Variants in NRG1 observed in about 807,000 individuals in gnomAD.
NRG1 encodes the protein pro-neuregulin-1, membrane-bound isoform.
Under a neutral mutation model 63.8 loss-of-function variants are expected in NRG1, and 18 were observed. The ratio of observed to expected loss-of-function variants is 0.28; its 90% CI spans 0.19 to 0.42. NRG1 has a LOEUF of 0.42. Ranked by LOEUF, NRG1 falls within the 10% of genes least tolerant of loss-of-function variation. The pLI is 1.00. For missense variants in NRG1, 762 were observed against 814.7 expected (o/e 0.94, Z 0.79); for synonymous variants, 302 against 301.3 (o/e 1.00, Z -0.02).
rs1368833255 is a variant in NRG1, at chr8:31,706,288, C to T, written c.37+66857C>T. 3.9e-5 allele frequency among the ~76,000 whole-genome samples: 6 copies of T among 152,146 alleles called. No homozygotes were observed. The East Asian group carries it at 1.2e-3, about 29-fold the overall frequency. The stretch of plus-strand genomic sequence containing the variant: ...TAGATTCTTATTCTCCTACTTTTTA[C>T]AAAAAATGTAGCACATTTTATAAAT... On this transcript the variant is annotated intron_variant, in intron 1 of 10. Transcript: ENST00000519301.
intron 1 of NRG1, among the ~76,000 whole-genome samples, chr8:32,165,140 A>AT (rs112228510): frequency 0.01 from 1,433 of 141,750 alleles, 14 homozygotes; most frequent in Admixed American, 0.014. Flanking sequence ...TATTGCCCTT[A>AT]TTTTTTTTTT....
chr8:32,572,977 G>A (rs916783033), intron 1 of NRG1, among the ~76,000 whole-genome samples: 1 of 152,208 alleles, frequency 6.6e-6, no homozygotes, highest in Admixed American at 6.5e-5. Flanking sequence ...TTCCTAATCT[G>A]TATATCCTAT....
In NRG1 at chr8:31,845,106, CAAATAAATAAATAAAT is replaced by C. The variant is rs3052830; in HGVS notation, c.37+205699_37+205714del. ...TGGGCGACAGGGTGAGACTCCGTCT[CAAATAAATAAATAAAT>C]AAATAAATAAATAAATAAATAAAAC... is the stretch of plus-strand genomic sequence containing the variant. On this transcript the variant is annotated intron_variant, in intron 1 of 10. Coordinates refer to the NRG1 transcript ENST00000519301. Among the ~76,000 whole-genome samples, 8 of 146,222 alleles carry C rather than the reference CAAATAAATAAATAAAT, an allele frequency of 5.5e-5. No homozygotes were observed. In the South Asian group the frequency reaches 6.6e-4, roughly 12 times the overall value.
chr8:32,502,283 C>G (rs752449959), intron 1 of NRG1, among the ~76,000 whole-genome samples: 1 of 150,894 alleles, frequency 6.6e-6, no homozygotes, highest in Non-Finnish European at 1.5e-5. Flanking sequence ...CCAGATCTTA[C>G]GAGAACTCGG....
chr8:31,779,524 T>C (rs1020829642), intron 1 of NRG1, among the ~76,000 whole-genome samples: 5 of 152,190 alleles, frequency 3.3e-5, no homozygotes, highest in Non-Finnish European at 7.3e-5. Flanking sequence ...CATTTATAGT[T>C]ATTGAGCCAA....
At chr8:32,411,597 G>C (rs1814959243) in intron 1 of NRG1, among the ~76,000 whole-genome samples, 1 of 152,130 alleles carries the variant, frequency 6.6e-6, no homozygotes, top group African/African-American at 2.4e-5. Flanking sequence ...ACCTTCATTA[G>C]GGCATTATGG....
chr8:32,351,649 C>A (rs1805621197), intron 1 of NRG1, among the ~76,000 whole-genome samples: 1 of 152,160 alleles, frequency 6.6e-6, no homozygotes, highest in African/African-American at 2.4e-5. Flanking sequence ...GGTCCCCACT[C>A]CTAGTCCACC....
chr8:31,783,340 C>A (rs1395270748), intron 1 of NRG1, among the ~76,000 whole-genome samples: 1 of 152,086 alleles, frequency 6.6e-6, no homozygotes, highest in East Asian at 1.9e-4. Context: ...GCTAAACAAA[C>A]AACTAACTTT....
chr8:32,421,970 A>T (rs891446861), intron 1 of NRG1, among the ~76,000 whole-genome samples: 1 of 151,946 alleles, frequency 6.6e-6, no homozygotes, highest in Non-Finnish European at 1.5e-5. Context: ...GGAACAATAG[A>T]CACTGGAGAC....
chr8:32,239,480 G>C (rs1847896960), intron 1 of NRG1, among the ~76,000 whole-genome samples: 3 of 151,714 alleles, frequency 2.0e-5, no homozygotes, highest in Admixed American at 2.0e-4. Flanking sequence ...TTCTAGACTT[G>C]ATACTAAAAG....
intron 1 of NRG1, among the ~76,000 whole-genome samples, chr8:31,686,869 A>G (rs1379948599): frequency 6.6e-6 from 1 of 152,030 alleles, no homozygotes; most frequent in Non-Finnish European, 1.5e-5. Flanking sequence ...CCTTGGTTCA[A>G]CGATTTCTCT....
At position 31,816,443 on chromosome 8, in the gene NRG1, A is replaced by C. The variant is rs373074753; in HGVS notation, c.37+177012A>C. 1.6e-4 allele frequency among the ~76,000 whole-genome samples: 24 copies of C among 152,146 alleles called. 1 individual carries two copies. The East Asian group carries it at 3.1e-3, about 20-fold the overall frequency. ...TCCTTCTTCCTTTCCTCTCCTTATT[A>C]AGTACCTTTAAGGAAGTAGAAAACT... On this transcript the variant is annotated intron_variant, in intron 1 of 10. Coordinates refer to the NRG1 transcript ENST00000519301.
chr8:32,653,957 C>CGTGTGTGT (rs34252278), intron 5 of NRG1, among the ~76,000 whole-genome samples: 2 of 148,692 alleles, frequency 1.3e-5, no homozygotes, highest in South Asian at 2.1e-4. Context: ...CGTGTGTATG[C>CGTGTGTGT]GTGTGTGTGT....
At chr8:31,744,225 C>A (rs947232037) in intron 1 of NRG1, among the ~76,000 whole-genome samples, 2 of 151,866 alleles carry the variant, frequency 1.3e-5, no homozygotes, top group African/African-American at 4.8e-5. Context: ...CTTGTCCTGA[C>A]CCTGTTCAAG....
intron 1 of NRG1, among the ~76,000 whole-genome samples, chr8:31,771,438 T>C (rs1011524573): frequency 6.6e-6 from 1 of 152,214 alleles, no homozygotes; most frequent in Non-Finnish European, 1.5e-5. Flanking sequence ...TATATTTTAC[T>C]GTTTTTTCCT....
At chr8:32,131,939 C>T (rs1834875678) in intron 1 of NRG1, among the ~76,000 whole-genome samples, 1 of 151,888 alleles carries the variant, frequency 6.6e-6, no homozygotes, top group Admixed American at 6.6e-5. Context: ...AACAGACAGA[C>T]AAACAAAAAC....
chr8:32,727,025 A>G (rs772504255), intron 5 of NRG1, among the ~76,000 whole-genome samples: 6 of 151,804 alleles, frequency 4.0e-5, no homozygotes, highest in Non-Finnish European at 7.4e-5. Flanking sequence ...ATATTAGACT[A>G]TTTTTGGTTG....
At chr8:32,618,560 A>G (rs1847786589) in intron 5 of NRG1, among the ~76,000 whole-genome samples, 2 of 152,206 alleles carry the variant, frequency 1.3e-5, no homozygotes, top group Non-Finnish European at 2.9e-5. Context: ...CAATGGTTTA[A>G]AACTAAGAAA....
chr8:32,447,705 CA>C (rs1276367590), intron 1 of NRG1, among the ~76,000 whole-genome samples: 5 of 151,970 alleles, frequency 3.3e-5, no homozygotes, highest in African/African-American at 1.2e-4. Flanking sequence ...CCCATCTCTA[CA>C]AAAAATATTT....
Sources: allele counts gnomAD v4.1 joint callset (sites outside exome capture counted in the v4.1 genomes callset), GRCh38; gene constraint gnomAD v4.1.1; transcripts MANE v1.5; gene names NCBI Gene and HGNC (gene_info 2026-07-23, HGNC 2026-07-21).